The following SHOC2 variants were observed in gnomAD, a reference collection of about 807,000 sequenced individuals.
The protein encoded by SHOC2 is leucine-rich repeat protein SHOC-2.
In SHOC2, 4 loss-of-function variants were observed where a neutral mutation model predicts 50.2. That is an observed-to-expected ratio of 0.08 (90% CI 0.04 to 0.18). The LOEUF (loss-of-function observed/expected upper bound fraction) is 0.18. Ranked by LOEUF, SHOC2 falls within the 10% of genes least tolerant of loss-of-function variation. The pLI is 1.00. For synonymous variants in SHOC2, 218 were observed against 244.5 expected (o/e 0.89, Z 1.01); for missense variants, 388 against 669.6 (o/e 0.58, Z 4.64).
intron 3 of SHOC2, among the ~76,000 whole-genome samples, chr10:110,999,275 G>A (rs1192705048): frequency 6.6e-6 from 1 of 152,122 alleles, no homozygotes; most frequent in Non-Finnish European, 1.5e-5. Flanking sequence ...ATAGTATATT[G>A]GATGAAATTC....
chr10:110,962,885 T>G (rs1847598549), intron 1 of SHOC2, among the ~76,000 whole-genome samples: 1 of 152,208 alleles, frequency 6.6e-6, no homozygotes. Context: ...GCCACTTGCC[T>G]GAGGATTTAA....
Position 111,000,566 on chromosome 10 carries a change from A to G in SHOC2, c.972+21A>G, listed in dbSNP as rs150325037. ...CAGAGGTAAGAAGTGGATTAGAGAA[A>G]ACAAGATTTGAAATGAGTCTGCAAG... is the stretch of plus-strand genomic sequence containing the variant. On this transcript the variant is annotated intron_variant, in intron 4 of 8. Coordinates refer to ENST00000369452, the MANE Select transcript of SHOC2 (RefSeq NM_007373.4). The G allele has an allele frequency of 7.1e-5, 113 of 1,599,268 alleles. No individual in the cohort carries two copies. The African/African-American group carries it at 1.4e-3, about 20-fold the overall frequency.
At chr10:110,948,145 TAAAG>T (rs1337784770) in intron 1 of SHOC2, among the ~76,000 whole-genome samples, 1 of 152,170 alleles carries the variant, frequency 6.6e-6, no homozygotes, top group Admixed American at 6.5e-5. Flanking sequence ...TATACAATGA[TAAAG>T]AAGGCAGTTC....
intron 1 of SHOC2, among the ~76,000 whole-genome samples, chr10:110,940,908 G>GT (rs1419333880): frequency 1.6e-4 from 1 of 6,166 alleles, no homozygotes; most frequent in Non-Finnish European, 7.2e-4. Flanking sequence ...TATTTGTGGT[G>GT]GGTTTTTTTT....
At position 111,011,590 on chromosome 10, in the gene SHOC2, T is replaced by A. The variant is rs751469129; in HGVS notation, c.1541-20T>A. 4.4e-6 allele frequency: 7 copies of A among 1,589,382 alleles called. No homozygotes were observed. Among genetic ancestry groups the A allele is most frequent in the East Asian group, 4.5e-5 (2 of 44,770 alleles). ...ATAGCAACTAATTTTTAAAAAAAAA[T>A]TGATTTTTTTTTTAAACAGGTACAC... On this transcript the variant is annotated intron_variant, in intron 8 of 8. Transcript: ENST00000369452.
chr10:110,930,157 A>C (rs1351621380), intron 1 of SHOC2, among the ~76,000 whole-genome samples: 1 of 152,232 alleles, frequency 6.6e-6, no homozygotes, highest in South Asian at 2.1e-4. Flanking sequence ...TTAATAAACC[A>C]AACTGTCAGA....
chr10:110,985,797 G>A (rs1014475457), intron 3 of SHOC2, 32 bp downstream of exon 3: 13 of 1,571,466 alleles, frequency 8.3e-6, no homozygotes, highest in Admixed American at 1.7e-5. Flanking sequence ...ATTGATAGCT[G>A]TTAATAGCTA....
At chr10:110,938,023 A>G (rs1189257013) in intron 1 of SHOC2, among the ~76,000 whole-genome samples, 2 of 152,316 alleles carry the variant, frequency 1.3e-5, no homozygotes, top group Middle Eastern at 3.4e-3. Flanking sequence ...TTCTGCTACT[A>G]GAATATTTTT....
At chr10:110,922,085 TTTGAAACATTTCATGTTTAAA>T (rs1846664031) in intron 1 of SHOC2, among the ~76,000 whole-genome samples, 1 of 152,118 alleles carries the variant, frequency 6.6e-6, no homozygotes, top group African/African-American at 2.4e-5. Flanking sequence ...CAGTTGGAAA[TTTGAAACATTTCATGTTTAAA>T]TAGAAACATG....
chr10:111,009,863 A>G (rs748648621), intron 8 of SHOC2, 33 bp downstream of exon 8: 1 of 1,130,882 alleles, frequency 8.8e-7, no homozygotes, highest in African/African-American at 1.5e-5. Flanking sequence ...ACTCTGTACT[A>G]ATAATTTGCT....
chr10:111,013,157 C>T lies in SHOC2; in HGVS notation c.*1339C>T, dbSNP rs1041181045. 2 of 152,198 alleles carry T rather than the reference C, an allele frequency of 1.3e-5. No homozygotes were observed. The highest frequency in any genetic ancestry group is 4.8e-5 in the African/African-American group (2 of 41,446). 9.4% of individuals were successfully genotyped at this position (152,198 alleles called of 1,614,324 possible). A position where few individuals can be genotyped will look rare whatever the true frequency, so the allele number is the denominator to read the frequency against. ...TATTTGATGCGTTTTCTTTGCTTCACTGCTTTTAATACTTAGCAGTATTGT... is the reference window on the plus strand; with the variant it reads ...TATTTGATGCGTTTTCTTTGCTTCATTGCTTTTAATACTTAGCAGTATTGT... On this transcript the variant is annotated 3_prime_UTR_variant, in exon 9 of 9. Transcript: ENST00000369452.
chr10:110,971,121 GC>G (rs1305231237), intron 2 of SHOC2, among the ~76,000 whole-genome samples: 5 of 151,784 alleles, frequency 3.3e-5, no homozygotes, highest in Non-Finnish European at 7.4e-5. Flanking sequence ...TAAAATCTTT[GC>G]CCAGACCATT....
rs1031065057 is a variant in SHOC2, at chr10:110,990,795, CTT to C, written c.841+5032_841+5033del. ...CAAAAAAAAACACAACAAAATGTTG[CTT>C]TACTCTACTGCAAATCAGACAGGAG... On this transcript the variant is annotated intron_variant, in intron 3 of 8. Transcript: ENST00000369452. Among the ~76,000 whole-genome samples the C allele has an allele frequency of 2.8e-4, 43 of 152,246 alleles. 1 individual carries two copies. Among genetic ancestry groups the C allele is most frequent in the African/African-American group, 9.9e-4 (41 of 41,560 alleles).
rs117606969 is a variant in SHOC2, at chr10:110,926,763, C to A, written c.-235+7106C>A. On this transcript the variant is annotated intron_variant, in intron 1 of 8. Coordinates refer to ENST00000369452, the MANE Select transcript of SHOC2 (RefSeq NM_007373.4). ...TAACCTCATGTATTTTGGAAAAATTCCATTCAAAATGATACAATTTAAAAC... is the reference window on the plus strand; with the variant it reads ...TAACCTCATGTATTTTGGAAAAATTACATTCAAAATGATACAATTTAAAAC... Among the ~76,000 whole-genome samples the A allele has an allele frequency of 1.9e-4, 29 of 152,190 alleles. No individual in the cohort carries two copies. The East Asian group carries it at 5.6e-3, about 29-fold the overall frequency.
chr10:110,962,546 T>C (rs919313353), intron 1 of SHOC2, among the ~76,000 whole-genome samples: 4 of 152,144 alleles, frequency 2.6e-5, no homozygotes, highest in Non-Finnish European at 5.9e-5. Context: ...ATTTGTTTAA[T>C]TGTAGAATCT....
intron 1 of SHOC2, among the ~76,000 whole-genome samples, chr10:110,949,481 G>C (rs1049354497): frequency 6.6e-6 from 1 of 152,042 alleles, no homozygotes; most frequent in East Asian, 1.9e-4. Context: ...GGACCTGAAG[G>C]CTCCACTGGT....
intron 3 of SHOC2, among the ~76,000 whole-genome samples, chr10:110,999,319 C>G (rs1429254507): frequency 6.6e-6 from 1 of 152,124 alleles, no homozygotes; most frequent in African/African-American, 2.4e-5. Flanking sequence ...TCAAAATTAA[C>G]TTATTTTTAA....
intron 1 of SHOC2, among the ~76,000 whole-genome samples, chr10:110,923,706 G>T (rs150305903): frequency 6.6e-6 from 1 of 152,124 alleles, no homozygotes; most frequent in Non-Finnish European, 1.5e-5. Context: ...CATACTGCTT[G>T]TAGCTAAAAC....
chr10:110,953,272 G>A (rs1474918436), intron 1 of SHOC2, among the ~76,000 whole-genome samples: 1 of 152,210 alleles, frequency 6.6e-6, no homozygotes, highest in East Asian at 1.9e-4. Context: ...ACTGGCGTGA[G>A]ATGGTGTCTC....
Sources: gnomAD v4.1 joint callset for allele counts (sites outside exome capture counted in the v4.1 genomes callset) on GRCh38, gnomAD v4.1.1 for gene constraint, MANE v1.5 for transcripts, NCBI Gene and HGNC (gene_info 2026-07-23, HGNC 2026-07-21) for gene names.